DAB2IP: variants seen among roughly 807,000 people sequenced by gnomAD.
DAB2IP encodes disabled homolog 2-interacting protein.
A neutral mutation model predicts 107.2 loss-of-function variants in DAB2IP; 28 were observed. The observed-to-expected ratio is 0.26, with a 90% CI of 0.19 to 0.36. The LOEUF (loss-of-function observed/expected upper bound fraction) is 0.36. Ranked by LOEUF, DAB2IP falls within the 10% of genes least tolerant of loss-of-function variation. The probability of loss-of-function intolerance (pLI) is 1.00; values close to 1 mark genes in which losing one functional copy is unlikely to be tolerated. For synonymous variants in DAB2IP, 755 were observed against 706.4 expected (o/e 1.07, Z -1.09); for missense variants, 1,400 against 1,644.7 (o/e 0.85, Z 2.57).
In DAB2IP at chr9:121,760,529, CAG is replaced by C; in HGVS notation, c.1170+93_1170+94del. 1 of 1,417,548 alleles carries C rather than the reference CAG, an allele frequency of 7.1e-7. No individual in the cohort carries two copies. Among genetic ancestry groups the C allele is most frequent in the Non-Finnish European group, 9.3e-7 (1 of 1,075,578 alleles). 87.8% of individuals were successfully genotyped at this position (1,417,548 alleles called of 1,614,324 possible). On this transcript the variant is annotated intron_variant, in intron 6 of 15. Transcript: ENST00000408936. The surrounding 1 kb of genome is among the most constrained non-coding windows in gnomAD (Gnocchi z 5.9). ...TCACATCCGTACATTTCAGGCCTAA[CAG>C]AGGCCTTGGAGGCACCGGTCACTAC...
At chr9:121,657,435 G>A (rs190315249) in intron 1 of DAB2IP, among the ~76,000 whole-genome samples, 7 of 152,284 alleles carry the variant, frequency 4.6e-5, no homozygotes, top group Non-Finnish European at 1.5e-5. Context: ...CAAGCTGAAT[G>A]TGTGCCCGGC....
At position 121,772,884 on chromosome 9, in the gene DAB2IP, C is replaced by A; in HGVS notation, c.2356C>A (p.Pro786Thr). The A allele has an allele frequency of 6.3e-7, 1 of 1,577,478 alleles. No individual in the cohort carries two copies. Among genetic ancestry groups the A allele is most frequent in the Admixed American group, 1.7e-5 (1 of 57,470 alleles). The stretch of plus-strand genomic sequence containing the variant: ...TGCAGCTCAGCTGGTGGCCGGGTGG[C>A]CGGCCCGGGCAACCCCAGTGAACCT... The change falls in exon 12 of 16, where the codon CCG becomes ACG. Residue 786 changes from proline to threonine, a missense_variant. Physicochemically the swap from Pro to Thr is conservative, Grantham distance 38. Transcript: ENST00000408936. This position sits in a 1 kb window ranked among gnomAD's most constrained non-coding sequence, Gnocchi z 4.7.
intron 1 of DAB2IP, among the ~76,000 whole-genome samples, chr9:121,615,815 A>G (rs182177468): frequency 4.7e-4 from 71 of 152,130 alleles, no homozygotes; most frequent in African/African-American, 1.7e-3. Context: ...TAGTAGAGAC[A>G]GGGCCTCACC....
intron 1 of DAB2IP, among the ~76,000 whole-genome samples, chr9:121,604,625 C>T (rs1830804127): frequency 6.6e-6 from 1 of 152,154 alleles, no homozygotes; most frequent in Non-Finnish European, 1.5e-5. Flanking sequence ...CTTCCTGCCC[C>T]TCTGGGTGTA....
chr9:121,736,073 C>T lies in DAB2IP; in HGVS notation c.363-20940C>T, dbSNP rs1286647205. ...CCTGGGAACCCAGTGCCCTTCTCAG[C>T]TTAGGCTGTCTAGACCCAAGTCGGG... On this transcript the variant is annotated intron_variant, in intron 3 of 15. Transcript: ENST00000408936. The surrounding 1 kb of genome is among the most constrained non-coding windows in gnomAD (Gnocchi z 4.6). 6.6e-6 allele frequency among the ~76,000 whole-genome samples: 1 copy of T among 152,252 alleles called. No homozygotes were observed. The highest frequency in any genetic ancestry group is 2.4e-5 in the African/African-American group (1 of 41,464).
In DAB2IP at chr9:121,772,497, G is replaced by A; in HGVS notation, c.2079-110G>A. 8.1e-7 allele frequency: 1 copy of A among 1,240,564 alleles called. No homozygotes were observed. Among genetic ancestry groups the A allele is most frequent in the Non-Finnish European group, 1.1e-6 (1 of 881,050 alleles). The allele number at this position is 1,240,564 out of a possible 1,614,324, so 76.8% of individuals were successfully genotyped here. A position where few individuals can be genotyped will look rare whatever the true frequency, so the allele number is the denominator to read the frequency against. ...ATCCATCTCCCCAGCGCTGGCTCAGGCTGCCAGGCCCCGGCAGGTTGGCGG... is the reference window on the plus strand; with the variant it reads ...ATCCATCTCCCCAGCGCTGGCTCAGACTGCCAGGCCCCGGCAGGTTGGCGG... On this transcript the variant is annotated intron_variant, in intron 11 of 15. Coordinates refer to ENST00000408936, the Ensembl canonical transcript of DAB2IP. The surrounding 1 kb of genome is among the most constrained non-coding windows in gnomAD (Gnocchi z 4.7).
At chr9:121,689,643 C>T (rs73664509) in intron 2 of DAB2IP, among the ~76,000 whole-genome samples, 1,618 of 152,290 alleles carry the variant, frequency 0.011, 30 homozygotes, top group African/African-American at 0.037. Context: ...TTGGGGCCCC[C>T]CGGGCCAGCT....
intron 1 of DAB2IP, among the ~76,000 whole-genome samples, chr9:121,644,104 G>A (rs1168850932): frequency 6.6e-6 from 1 of 152,022 alleles, no homozygotes; most frequent in Non-Finnish European, 1.5e-5. Context: ...CCAGGCATTC[G>A]AGGTCGCAGT....
At chr9:121,666,921 T>C (rs1833465477) in intron 1 of DAB2IP, among the ~76,000 whole-genome samples, 1 of 128,484 alleles carries the variant, frequency 7.8e-6, no homozygotes. Flanking sequence ...CACACAACAC[T>C]CTTAAATAGA....
chr9:121,769,651 C>T (rs575890536), intron 10 of DAB2IP, among the ~76,000 whole-genome samples: 2 of 152,328 alleles, frequency 1.3e-5, no homozygotes, highest in African/African-American at 4.8e-5. Flanking sequence ...TTTGTATCCA[C>T]TTGCCTTTGG....
chr9:121,591,481 AAAAG>A (rs1358095410), intron 1 of DAB2IP, among the ~76,000 whole-genome samples: 1 of 152,178 alleles, frequency 6.6e-6, no homozygotes, highest in Non-Finnish European at 1.5e-5. Context: ...CTGCCAAGAA[AAAAG>A]AAATGAGGCT....
intron 2 of DAB2IP, among the ~76,000 whole-genome samples, chr9:121,688,789 C>CAG (rs796407568): frequency 6.6e-6 from 1 of 152,204 alleles, no homozygotes; most frequent in East Asian, 1.9e-4. Context: ...GTGCACGAGA[C>CAG]AGAGAGAGAC....
chr9:121,618,514 C>T (rs1831355900), intron 1 of DAB2IP, among the ~76,000 whole-genome samples: 2 of 151,930 alleles, frequency 1.3e-5, no homozygotes, highest in South Asian at 2.1e-4. Context: ...GCGCCCACCA[C>T]AATGCCTAGC....
chr9:121,632,221 C>T (rs1002430420), intron 1 of DAB2IP, among the ~76,000 whole-genome samples: 11 of 152,314 alleles, frequency 7.2e-5, no homozygotes, highest in African/African-American at 1.9e-4. Flanking sequence ...CTAAGACGCA[C>T]GGTGATAGCA....
chr9:121,639,936 G>A (rs1021678332), intron 1 of DAB2IP, among the ~76,000 whole-genome samples: 15 of 152,138 alleles, frequency 9.9e-5, no homozygotes, highest in African/African-American at 3.1e-4. Context: ...GACTCTGCCC[G>A]GTGGGCCCAA....
In DAB2IP at chr9:121,572,334, C is replaced by T. The variant is rs577549196; in HGVS notation, c.40+5106C>T. Among the ~76,000 whole-genome samples the T allele has an allele frequency of 5.9e-5, 9 of 152,230 alleles. No individual in the cohort carries two copies. In the South Asian group the frequency reaches 1.7e-3, roughly 28 times the overall value. On this transcript the variant is annotated intron_variant, in intron 1 of 16. Coordinates refer to the DAB2IP transcript ENST00000259371. ...GGCAGGGGCTGTATCTTGTCTGCCACTGGGTTCCCAGGGTGCTGCACAGCA... is the reference window on the plus strand; with the variant it reads ...GGCAGGGGCTGTATCTTGTCTGCCATTGGGTTCCCAGGGTGCTGCACAGCA...
intron 3 of DAB2IP, among the ~76,000 whole-genome samples, chr9:121,705,441 AT>A (rs1268277814): frequency 6.6e-6 from 1 of 152,232 alleles, no homozygotes; most frequent in Non-Finnish European, 1.5e-5. Context: ...AATACAGGCA[AT>A]TGCATATGAT....
At chr9:121,584,037 C>T (rs573942021) in intron 1 of DAB2IP, among the ~76,000 whole-genome samples, 9 of 152,122 alleles carry the variant, frequency 5.9e-5, no homozygotes, top group African/African-American at 1.7e-4. Flanking sequence ...AATAGCCAGG[C>T]GTGGTGGTGC....
intron 1 of DAB2IP, among the ~76,000 whole-genome samples, chr9:121,600,108 T>C (rs925382889): frequency 6.6e-6 from 1 of 150,830 alleles, no homozygotes; most frequent in African/African-American, 2.4e-5. Context: ...GCGGCGGGAG[T>C]TGGGGGTGGG....
Sources: gnomAD v4.1 joint callset for allele counts (sites outside exome capture counted in the v4.1 genomes callset) on GRCh38, gnomAD v4.1.1 for gene constraint, Gnocchi (gnomAD v3.1) non-coding constraint, MANE v1.5 for transcripts, NCBI Gene and HGNC (gene_info 2026-07-23, HGNC 2026-07-21) for gene names.